Variants in INPP4B observed in about 807,000 individuals in gnomAD.
The protein encoded by INPP4B is inositol polyphosphate 4-phosphatase type II.
Under a neutral mutation model 122.5 loss-of-function variants are expected in INPP4B, and 55 were observed. The ratio of observed to expected loss-of-function variants is 0.45; its 90% CI spans 0.36 to 0.56. The LOEUF (loss-of-function observed/expected upper bound fraction) is 0.56, where lower values mean the gene tolerates loss of function less well. Among genes scored for constraint, INPP4B ranks in the 20% least tolerant of loss-of-function variants. The pLI, the probability that INPP4B is intolerant of heterozygous loss-of-function variation, is 0.00. For missense variants in INPP4B, 1,000 were observed against 1,097.7 expected (o/e 0.91, Z 1.26); for synonymous variants, 403 against 388.7 (o/e 1.04, Z -0.43).
chr4:142,769,042 T>G (rs1229925342), intron 1 of INPP4B, among the ~76,000 whole-genome samples: 1 of 152,118 alleles, frequency 6.6e-6, no homozygotes, highest in Non-Finnish European at 1.5e-5. Context: ...AGAGTGGTAG[T>G]GAAGAGAAGA....
chr4:142,101,289 G>A (rs995345359), intron 23 of INPP4B, among the ~76,000 whole-genome samples: 2 of 151,732 alleles, frequency 1.3e-5, no homozygotes, highest in Non-Finnish European at 2.9e-5. Context: ...ACCCTTTTTT[G>A]TTTATGGAGC....
intron 2 of INPP4B, among the ~76,000 whole-genome samples, chr4:142,511,694 T>C (rs1824738197): frequency 6.6e-6 from 1 of 152,300 alleles, no homozygotes; most frequent in East Asian, 1.9e-4. Flanking sequence ...CAGGCGTTAG[T>C]ATTGTTTATT....
chr4:142,035,199 C>T (rs1407816404), intron 25 of INPP4B, among the ~76,000 whole-genome samples: 3 of 152,138 alleles, frequency 2.0e-5, no homozygotes, highest in Admixed American at 1.3e-4. Context: ...CAAAAGTCTG[C>T]CTTCAGATTC....
intron 15 of INPP4B, among the ~76,000 whole-genome samples, chr4:142,188,788 A>T (rs1834419422): frequency 6.6e-6 from 1 of 152,084 alleles, no homozygotes; most frequent in Non-Finnish European, 1.5e-5. Flanking sequence ...TTAAGAATGG[A>T]AGTGAAGGTG....
chr4:142,245,080 T>G lies in INPP4B; in HGVS notation c.689-7069A>C, dbSNP rs144993266. Among the ~76,000 whole-genome samples the G allele has an allele frequency of 3.3e-5, 5 of 152,334 alleles. No individual in the cohort carries two copies. The East Asian group carries it at 9.6e-4, about 29-fold the overall frequency. ...CCACTTTTGGATGGGTTTTTTTTCT[T>G]GTAAATTTGTTTTAAGTTCCTTGTA... On this transcript the variant is annotated intron_variant, in intron 11 of 25. Transcript: ENST00000262992.
intron 2 of INPP4B, among the ~76,000 whole-genome samples, chr4:142,658,779 C>A (rs963548493): frequency 6.6e-6 from 1 of 152,182 alleles, no homozygotes; most frequent in East Asian, 1.9e-4. Context: ...TCTCATACCT[C>A]ATCTATGCAG....
At chr4:142,194,743 G>A (rs541910573) in intron 14 of INPP4B, among the ~76,000 whole-genome samples, 2 of 152,148 alleles carry the variant, frequency 1.3e-5, no homozygotes, top group Admixed American at 1.3e-4. Context: ...AACCTGAGTC[G>A]CTGGCTTTGG....
chr4:142,417,856 T>G (rs1215072346), intron 5 of INPP4B, among the ~76,000 whole-genome samples: 2 of 152,160 alleles, frequency 1.3e-5, no homozygotes, highest in Non-Finnish European at 2.9e-5. Context: ...GCACATGTTG[T>G]AAGCTAAAAT....
intron 1 of INPP4B, among the ~76,000 whole-genome samples, chr4:142,779,142 G>A (rs1438597839): frequency 6.6e-6 from 1 of 151,870 alleles, no homozygotes; most frequent in Admixed American, 6.6e-5. Context: ...GTCCCTAACA[G>A]AATCACAGCC....
At chr4:142,845,115 T>C (rs1365363234) in intron 1 of INPP4B, among the ~76,000 whole-genome samples, 5 of 152,076 alleles carry the variant, frequency 3.3e-5, no homozygotes, top group African/African-American at 1.2e-4. Flanking sequence ...ACAAGAGTAA[T>C]AGAAAACCCT....
At position 142,589,491 on chromosome 4, in the gene INPP4B, A is replaced by T. The variant is rs566557103; in HGVS notation, c.-190-126765T>A. Among the ~76,000 whole-genome samples the T allele has an allele frequency of 2.6e-4, 39 of 152,228 alleles. 1 individual carries two copies. Among genetic ancestry groups the T allele is most frequent in the African/African-American group, 8.4e-4 (35 of 41,590 alleles). On this transcript the variant is annotated intron_variant, in intron 2 of 25. Coordinates refer to ENST00000262992, the MANE Select transcript of INPP4B (RefSeq NM_001101669.3). ...AGATCTGCACAGATAGCTCATCAAA[A>T]AAAGGAATACAGATGTCAAACAGCA...
intron 1 of INPP4B, among the ~76,000 whole-genome samples, chr4:142,829,757 A>T (rs1369349861): frequency 1.3e-5 from 2 of 152,212 alleles, no homozygotes; most frequent in Non-Finnish European, 2.9e-5. Flanking sequence ...GCAGTTTAAG[A>T]TAAACAGAAA....
At chr4:142,772,111 G>A (rs1580878224) in intron 1 of INPP4B, among the ~76,000 whole-genome samples, 1 of 152,260 alleles carries the variant, frequency 6.6e-6, no homozygotes, top group East Asian at 1.9e-4. Context: ...TACAAAATAG[G>A]TAAAGAGAAG....
chr4:142,481,140 A>AG (rs1266015442), intron 2 of INPP4B, among the ~76,000 whole-genome samples: 5 of 141,306 alleles, frequency 3.5e-5, no homozygotes, highest in Non-Finnish European at 7.6e-5. Flanking sequence ...TCTCAAAAAA[A>AG]AAAAAAAAAA....
intron 2 of INPP4B, among the ~76,000 whole-genome samples, chr4:142,700,405 C>T (rs548584914): frequency 6.6e-6 from 1 of 152,142 alleles, no homozygotes; most frequent in Admixed American, 6.5e-5. Flanking sequence ...TTTTATAATT[C>T]TTTTTTGTGC....
chr4:142,431,203 G>A lies in INPP4B; in HGVS notation c.57C>T (p.Ala19=), dbSNP rs750939792. The A allele has an allele frequency of 3.7e-6, 6 of 1,613,232 alleles. No individual in the cohort carries two copies. Among genetic ancestry groups the A allele is most frequent in the Non-Finnish European group, 4.2e-6 (5 of 1,179,424 alleles). ...GACAGTCCCCGGGATCATTGGCCTG[G>A]GCTGTAGGAAGAAAGTGCTGCCCTT... ...SEEGQHFLPT[A]QANDPGDCQF... Residue 19 remains alanine, a synonymous_variant, in exon 4 of 26, where the codon GCC becomes GCT. Coordinates refer to ENST00000262992, the MANE Select transcript of INPP4B (RefSeq NM_001101669.3).
intron 2 of INPP4B, among the ~76,000 whole-genome samples, chr4:142,579,148 T>C (rs1411793476): frequency 6.6e-6 from 1 of 151,980 alleles, no homozygotes; most frequent in African/African-American, 2.4e-5. Context: ...AGCCAACATT[T>C]AAATGGGGGA....
intron 12 of INPP4B, among the ~76,000 whole-genome samples, chr4:142,236,229 G>A (rs957045840): frequency 1.3e-4 from 20 of 152,122 alleles, no homozygotes; most frequent in African/African-American, 4.8e-4. Context: ...GTGGTTCTTG[G>A]TGTCCAGTGG....
intron 2 of INPP4B, among the ~76,000 whole-genome samples, chr4:142,524,309 C>G (rs1216181125): frequency 6.6e-6 from 1 of 152,100 alleles, no homozygotes; most frequent in Non-Finnish European, 1.5e-5. Context: ...CACATCCTCT[C>G]CAGCACCTGT....
Sources: allele counts gnomAD v4.1 joint callset (sites outside exome capture counted in the v4.1 genomes callset), GRCh38; gene constraint gnomAD v4.1.1; transcripts MANE v1.5; gene names NCBI Gene and HGNC (gene_info 2026-07-23, HGNC 2026-07-21).